Variants in TACC2 observed in about 807,000 individuals in gnomAD.
The protein encoded by TACC2 is transforming acidic coiled-coil-containing protein 2.
TACC2 carries 137 observed loss-of-function variants against 227.3 expected under a neutral mutation model. The ratio of observed to expected loss-of-function variants is 0.60; its 90% CI spans 0.52 to 0.69. The LOEUF is 0.69. Among genes scored for constraint, TACC2 ranks in the 30% least tolerant of loss-of-function variants. TACC2 has a pLI of 0.00. For missense variants in TACC2, 3,470 were observed against 3,694.4 expected, an observed-to-expected ratio of 0.94 and a Z score of 1.57; for synonymous variants, 1,523 against 1,487.5, an observed-to-expected ratio of 1.02 and a Z score of -0.55.
intron 2 of TACC2, among the ~76,000 whole-genome samples, chr10:122,042,205 A>G (rs537909801): frequency 2.6e-5 from 4 of 151,302 alleles, no homozygotes; most frequent in Non-Finnish European, 5.9e-5. Context: ...TCAGCCTTCC[A>G]AAGTGCTGGG....
intron 3 of TACC2, among the ~76,000 whole-genome samples, chr10:122,063,033 T>G (rs1591595631): frequency 6.6e-6 from 1 of 151,158 alleles, no homozygotes; most frequent in African/African-American, 2.4e-5. Flanking sequence ...GCTGGTTTGA[T>G]CCACCTGAAA....
intron 11 of TACC2, among the ~76,000 whole-genome samples, chr10:122,219,969 C>T (rs2901305): frequency 0.32 from 48,127 of 150,656 alleles, 7,765 homozygotes; most frequent in East Asian, 0.45. Flanking sequence ...ACCCAGGAGA[C>T]GGAGGTTGCA....
In TACC2 at chr10:122,230,421, G is replaced by T; in HGVS notation, c.8108G>T (p.Arg2703Leu). 1 of 1,614,122 alleles carries T rather than the reference G, an allele frequency of 6.2e-7. No homozygotes were observed. Residue 2703 changes from arginine to leucine, a missense_variant, in exon 16 of 23, where the codon CGC (arginine) becomes CTC (leucine). By Grantham distance (102) the Arg-to-Leu change is moderately radical (BLOSUM62 -2). Around this residue, in one of 10 missense-constraint regions of TACC2, gnomAD observed 345 missense variants for 354.4 expected, o/e 0.97. Transcript: ENST00000369005. Reference protein sequence around the residue: ...KLARQIALASRSHQDAKREAA... With the variant: ...KLARQIALASLSHQDAKREAA... ...GCCAGGCAGATTGCTTTGGCTTCCC[G>T]CAGCCACCAGGATGCCAAGGTACCG...
chr10:122,130,558 C>G (rs2087860000), intron 5 of TACC2, among the ~76,000 whole-genome samples: 2 of 152,190 alleles, frequency 1.3e-5, no homozygotes, highest in Non-Finnish European at 2.9e-5. Flanking sequence ...GTTGGGATTA[C>G]AGGCATAAGC....
chr10:122,170,419 C>T (rs955875949), intron 7 of TACC2, among the ~76,000 whole-genome samples: 10 of 151,582 alleles, frequency 6.6e-5, no homozygotes, highest in East Asian at 2.0e-4. Flanking sequence ...TACAGGTGCA[C>T]GCCACTGTGC....
At chr10:121,993,011 A>T (rs975750793) in intron 1 of TACC2, among the ~76,000 whole-genome samples, 1 of 152,038 alleles carries the variant, frequency 6.6e-6, no homozygotes, top group African/African-American at 2.4e-5. Context: ...TCCAGCCTTC[A>T]GAACCCTCAT....
At chr10:122,008,264 A>ATTATTTTTTTTTTTTT in intron 1 of TACC2, among the ~76,000 whole-genome samples, 105 of 134,640 alleles carry the variant, frequency 7.8e-4, no homozygotes, top group African/African-American at 2.6e-3. Flanking sequence ...TATTATTATT[A>ATTATTTTTTTTTTTTT]TTTTTTTTTT....
intron 2 of TACC2, among the ~76,000 whole-genome samples, chr10:122,043,867 A>T (rs1206025666): frequency 6.6e-6 from 1 of 152,220 alleles, no homozygotes; most frequent in Non-Finnish European, 1.5e-5. Flanking sequence ...GGCATGAGCC[A>T]CTGTGCCTGG....
chr10:122,082,542 G>T, intron 3 of TACC2, 105 bp from the exon 4 acceptor site: 1 of 1,279,412 alleles, frequency 7.8e-7, no homozygotes, highest in Non-Finnish European at 1.1e-6. Context: ...CTGTGGTTAG[G>T]GCACTTGATG....
At chr10:122,031,723 G>C (rs1342079459) in intron 2 of TACC2, among the ~76,000 whole-genome samples, 1 of 143,540 alleles carries the variant, frequency 7.0e-6, no homozygotes, top group African/African-American at 2.6e-5. Flanking sequence ...TTTCTTTTTC[G>C]AGACAGAGTC....
chr10:122,104,721 T>A (rs1268824331), intron 5 of TACC2, among the ~76,000 whole-genome samples: 2 of 152,168 alleles, frequency 1.3e-5, no homozygotes, highest in East Asian at 3.8e-4. Context: ...AAGTTATGAG[T>A]TGGTGTGCTC....
chr10:122,163,734 C>A, intron 7 of TACC2: 1 of 1,142,474 alleles, frequency 8.8e-7, no homozygotes, highest in Non-Finnish European at 1.1e-6. Flanking sequence ...GCTCGCCCCC[C>A]GGCCCCCGGC....
Position 122,061,730 on chromosome 10 carries a change from T to C in TACC2, c.146+11180T>C, listed in dbSNP as rs373212243. Among the ~76,000 whole-genome samples the C allele has an allele frequency of 7.9e-5, 12 of 152,148 alleles. No homozygotes were observed. In the East Asian group the frequency reaches 2.3e-3, roughly 29 times the overall value. On this transcript the variant is annotated intron_variant, in intron 3 of 22. Coordinates refer to ENST00000369005, the MANE Select transcript of TACC2 (RefSeq NM_206862.4). ...CAGAGGCACGAAGATGAGCAAGATGTCCAGTCCAGTCTAGAGAAACGCATG... is the reference window on the plus strand; with the variant it reads ...CAGAGGCACGAAGATGAGCAAGATGCCCAGTCCAGTCTAGAGAAACGCATG...
chr10:122,042,477 A>T lies in TACC2; in HGVS notation c.34-7961A>T, dbSNP rs1359322303. Among the ~76,000 whole-genome samples the T allele has an allele frequency of 2.6e-5, 4 of 152,088 alleles. No individual in the cohort carries two copies. The South Asian group carries it at 8.3e-4, about 32-fold the overall frequency. The stretch of plus-strand genomic sequence containing the variant: ...AGGCTGGTCTCGAACTCCTGACCTC[A>T]AGTGATCCACCCGCCTCAGCCTCCC... On this transcript the variant is annotated intron_variant, in intron 2 of 22. Transcript: ENST00000369005.
intron 2 of TACC2, among the ~76,000 whole-genome samples, chr10:122,049,258 C>T (rs760736266): frequency 1.3e-5 from 2 of 152,200 alleles, no homozygotes; most frequent in African/African-American, 2.4e-5. Flanking sequence ...AGGGCTGCTC[C>T]CTCTGCCTGG....
chr10:122,033,069 A>G (rs1591295758), intron 2 of TACC2: 1 of 1,285,908 alleles, frequency 7.8e-7, no homozygotes, highest in Admixed American at 2.3e-5. Flanking sequence ...ACCTGTCCTA[A>G]CGGTGAGATC....
At chr10:122,201,109 G>C (rs1251174330) in intron 8 of TACC2, among the ~76,000 whole-genome samples, 24 of 108,824 alleles carry the variant, frequency 2.2e-4, no homozygotes, top group East Asian at 1.2e-3. Context: ...CACATCTACA[G>C]TGAGAGGACG....
Position 122,205,266 on chromosome 10 carries a change from C to G in TACC2, c.5972-5131C>G, listed in dbSNP as rs1416383276. On this transcript the variant is annotated intron_variant, in intron 8 of 22. Transcript: ENST00000369005. This position sits in a 1 kb window ranked among gnomAD's most constrained non-coding sequence, Gnocchi z 4.5. ...CCCACCCGGTGGGGGTTCCTGGGGT[C>G]TCTGTGAGATCCTGAACACCCACTG... Among the ~76,000 whole-genome samples the G allele has an allele frequency of 1.3e-5, 2 of 152,132 alleles. No individual in the cohort carries two copies. Among genetic ancestry groups the G allele is most frequent in the African/African-American group, 2.4e-5 (1 of 41,422 alleles).
intron 2 of TACC2, among the ~76,000 whole-genome samples, chr10:122,036,435 C>T (rs948328676): frequency 1.3e-5 from 2 of 151,436 alleles, no homozygotes; most frequent in African/African-American, 2.4e-5. Context: ...CCTCGTGATC[C>T]GCCCACCTTG....
Sources: gnomAD v4.1 joint callset for allele counts (sites outside exome capture counted in the v4.1 genomes callset) on GRCh38, gnomAD v4.1.1 for gene constraint, gnomAD v4.1.1 regional missense constraint, Gnocchi (gnomAD v3.1) non-coding constraint, MANE v1.5 for transcripts, NCBI Gene and HGNC (gene_info 2026-07-23, HGNC 2026-07-21) for gene names.